NKAIN3: variants seen among roughly 807,000 people sequenced by gnomAD.
NKAIN3 encodes sodium/potassium transporting ATPase interacting 3.
Under a neutral mutation model 30.2 loss-of-function variants are expected in NKAIN3, and 25 were observed. The ratio of observed to expected loss-of-function variants is 0.83; its 90% CI spans 0.60 to 1.16. The LOEUF (loss-of-function observed/expected upper bound fraction) is 1.16. Ranked by LOEUF, NKAIN3 falls within the 50% of genes most tolerant of loss-of-function variation. The probability of loss-of-function intolerance (pLI) is 0.00; values close to 1 mark genes in which losing one functional copy is unlikely to be tolerated. For synonymous variants in NKAIN3, 91 were observed against 89.6 expected, an observed-to-expected ratio of 1.02 and a Z score of -0.09; for missense variants, 225 against 254.1, an observed-to-expected ratio of 0.89 and a Z score of 0.78.
intron 1 of NKAIN3, among the ~76,000 whole-genome samples, chr8:62,565,612 G>A (rs920459855): frequency 6.6e-6 from 1 of 152,058 alleles, no homozygotes; most frequent in Non-Finnish European, 1.5e-5. Flanking sequence ...ACATAATGTT[G>A]CTTCTACAAC....
At chr8:62,786,176 G>C (rs912118706) in intron 4 of NKAIN3, among the ~76,000 whole-genome samples, 5 of 152,058 alleles carry the variant, frequency 3.3e-5, no homozygotes, top group African/African-American at 1.2e-4. Context: ...GGAGATAGAT[G>C]ATACTCCCAT....
At chr8:62,781,693 A>C (rs914424464) in intron 4 of NKAIN3, among the ~76,000 whole-genome samples, 1 of 151,624 alleles carries the variant, frequency 6.6e-6, no homozygotes. Flanking sequence ...ACCGTCTTCA[A>C]AAAAAAAGAA....
chr8:62,909,945 A>G (rs566475585), intron 4 of NKAIN3, among the ~76,000 whole-genome samples: 1 of 152,196 alleles, frequency 6.6e-6, no homozygotes, highest in African/African-American at 2.4e-5. Context: ...TATCAAGACA[A>G]TATTAAGGTC....
chr8:62,851,556 C>T (rs1185303651), intron 4 of NKAIN3, among the ~76,000 whole-genome samples: 1 of 152,090 alleles, frequency 6.6e-6, no homozygotes, highest in Non-Finnish European at 1.5e-5. Flanking sequence ...GGAATGCTTC[C>T]AGGTTTTGCC....
Position 62,966,018 on chromosome 8 carries a change from G to T in NKAIN3, c.*611G>T. The T allele has an allele frequency of 2.0e-6, 2 of 984,802 alleles. No individual in the cohort carries two copies. Among genetic ancestry groups the T allele is most frequent in the Non-Finnish European group, 2.4e-6 (2 of 829,468 alleles). 61.0% of individuals were successfully genotyped at this position (984,802 alleles called of 1,614,324 possible). A position where few individuals can be genotyped will look rare whatever the true frequency, so the allele number is the denominator to read the frequency against. On this transcript the variant is annotated 3_prime_UTR_variant, in exon 7 of 7. Transcript: ENST00000623646. ...TGGCAATCTAAATTTTCAGATTCGT[G>T]CATATCTTGTTTTTCCTGATATATA...
intron 4 of NKAIN3, among the ~76,000 whole-genome samples, chr8:62,906,590 G>A (rs1821785784): frequency 6.6e-6 from 1 of 152,170 alleles, no homozygotes; most frequent in African/African-American, 2.4e-5. Flanking sequence ...GGGACCTGAT[G>A]GGAGACAACT....
intron 4 of NKAIN3, among the ~76,000 whole-genome samples, chr8:62,801,982 C>T (rs1369154079): frequency 4.6e-5 from 7 of 152,110 alleles, no homozygotes; most frequent in South Asian, 4.1e-4. Context: ...GTAGAAGCCT[C>T]AGGAGCTGAT....
chr8:62,734,951 G>A (rs74621504), intron 3 of NKAIN3, among the ~76,000 whole-genome samples: 6 of 152,248 alleles, frequency 3.9e-5, no homozygotes, highest in East Asian at 1.9e-4. Context: ...TGGCTTGTGC[G>A]GTTTCTGCTT....
At chr8:62,296,061 TAC>T (rs1271148056) in intron 1 of NKAIN3, among the ~76,000 whole-genome samples, 1 of 152,222 alleles carries the variant, frequency 6.6e-6, no homozygotes, top group African/African-American at 2.4e-5. Context: ...TGGCTTTGAC[TAC>T]AGCAAATGCC....
intron 1 of NKAIN3, among the ~76,000 whole-genome samples, chr8:62,458,003 T>C (rs1805870729): frequency 6.6e-6 from 1 of 152,214 alleles, no homozygotes; most frequent in African/African-American, 2.4e-5. Context: ...TATGCATAGG[T>C]AGGCCCTCGA....
In NKAIN3 at chr8:62,938,216, G is replaced by A. The variant is rs541798993; in HGVS notation, c.533-15686G>A. ...AGTGCTCCTCCAGGTGACCGTAGGGGAAGTTTGTATCCTCCCTATACTACT... is the reference window on the plus strand; with the variant it reads ...AGTGCTCCTCCAGGTGACCGTAGGGAAAGTTTGTATCCTCCCTATACTACT... On this transcript the variant is annotated intron_variant, in intron 5 of 6. Coordinates refer to ENST00000623646, the MANE Select transcript of NKAIN3 (RefSeq NM_001304533.3). 7.9e-5 allele frequency among the ~76,000 whole-genome samples: 12 copies of A among 152,188 alleles called. No homozygotes were observed. The South Asian group carries it at 2.1e-3, about 26-fold the overall frequency.
At chr8:62,304,192 G>A (rs1172475586) in intron 1 of NKAIN3, among the ~76,000 whole-genome samples, 1 of 150,482 alleles carries the variant, frequency 6.6e-6, no homozygotes, top group Non-Finnish European at 1.5e-5. Context: ...CTACCTTTAA[G>A]CAGATTGTCC....
intron 4 of NKAIN3, among the ~76,000 whole-genome samples, chr8:62,870,514 C>T (rs1245371749): frequency 1.5e-5 from 2 of 133,578 alleles, no homozygotes; most frequent in African/African-American, 2.9e-5. Flanking sequence ...ACAATATGTA[C>T]GTATATATGT....
rs1338986424 is a variant in NKAIN3, at chr8:62,976,492, G to A, written c.*11085G>A. ...TTGGCTTAAAGTCTGTTTTACCAGA[G>A]GCTAAGATTGCAACCCCTGCTTTTT... On this transcript the variant is annotated 3_prime_UTR_variant, in exon 7 of 7. Transcript: ENST00000623646. Among the ~76,000 whole-genome samples the A allele has an allele frequency of 1.3e-5, 2 of 152,184 alleles. No homozygotes were observed. The highest frequency in any genetic ancestry group is 6.5e-5 in the Admixed American group (1 of 15,284).
intron 4 of NKAIN3, among the ~76,000 whole-genome samples, chr8:62,777,485 T>A (rs755873382): frequency 6.6e-6 from 1 of 152,138 alleles, no homozygotes; most frequent in African/African-American, 2.4e-5. Flanking sequence ...AGTAAGAGAG[T>A]CTGATGCATT....
chr8:62,405,441 A>G (rs1206114537), intron 1 of NKAIN3, among the ~76,000 whole-genome samples: 1 of 152,222 alleles, frequency 6.6e-6, no homozygotes, highest in African/African-American at 2.4e-5. Flanking sequence ...GGTTCTGACC[A>G]CTGGGATTAA....
chr8:62,571,150 T>G (rs1284016481), intron 1 of NKAIN3, among the ~76,000 whole-genome samples: 2 of 151,898 alleles, frequency 1.3e-5, no homozygotes, highest in Non-Finnish European at 2.9e-5. Flanking sequence ...TTTTTTTTTT[T>G]TTTTTCAGAC....
chr8:62,837,960 T>G (rs145212828), intron 4 of NKAIN3, among the ~76,000 whole-genome samples: 5 of 152,208 alleles, frequency 3.3e-5, no homozygotes, highest in Middle Eastern at 3.4e-3. Context: ...GTTTATTATG[T>G]GCAAGGTACG....
chr8:62,689,949 T>C (rs974215057), intron 3 of NKAIN3, among the ~76,000 whole-genome samples: 1 of 112,604 alleles, frequency 8.9e-6, no homozygotes, highest in African/African-American at 4.2e-5. Flanking sequence ...GCACTGAAAA[T>C]AAATAAATAA....
Sources: gnomAD v4.1 joint callset for allele counts (sites outside exome capture counted in the v4.1 genomes callset) on GRCh38, gnomAD v4.1.1 for gene constraint, MANE v1.5 for transcripts, NCBI Gene and HGNC (gene_info 2026-07-23, HGNC 2026-07-21) for gene names.